OPCML: variants seen among roughly 807,000 people sequenced by gnomAD.
OPCML encodes the protein opioid-binding protein/cell adhesion molecule.
A neutral mutation model predicts 37.8 loss-of-function variants in OPCML; 13 were observed. That is an observed-to-expected ratio of 0.34 (90% CI 0.22 to 0.55). The LOEUF is 0.55. OPCML is among the 20% of genes least tolerant of loss of function. The pLI, the probability that OPCML is intolerant of heterozygous loss-of-function variation, is 0.91. For missense variants in OPCML, 341 were observed against 435.6 expected, an observed-to-expected ratio of 0.78 and a Z score of 1.93; for synonymous variants, 176 against 168.8, an observed-to-expected ratio of 1.04 and a Z score of -0.33.
chr11:132,676,597 A>C (rs1942711546), intron 2 of OPCML, among the ~76,000 whole-genome samples: 1 of 151,934 alleles, frequency 6.6e-6, no homozygotes, highest in Non-Finnish European at 1.5e-5. Flanking sequence ...AACAACAAAA[A>C]ATCCAGACAA....
chr11:133,497,369 T>C (rs1474616366), intron 1 of OPCML, among the ~76,000 whole-genome samples: 1 of 152,178 alleles, frequency 6.6e-6, no homozygotes, highest in Non-Finnish European at 1.5e-5. Context: ...TTTTTGATAG[T>C]TTTTTCTTTA....
At chr11:132,640,012 A>T (rs555540352) in intron 3 of OPCML, among the ~76,000 whole-genome samples, 2 of 152,284 alleles carry the variant, frequency 1.3e-5, no homozygotes, top group South Asian at 4.1e-4. Context: ...TCCCCTTCCT[A>T]ACGTTAGAGA....
chr11:132,821,053 A>G (rs549174746), intron 2 of OPCML, among the ~76,000 whole-genome samples: 110 of 152,348 alleles, frequency 7.2e-4, no homozygotes, highest in Non-Finnish European at 1.3e-3. Flanking sequence ...ACCACAAGGA[A>G]AGCCTTCTCT....
At chr11:133,108,125 T>G (rs977409936) in intron 1 of OPCML, among the ~76,000 whole-genome samples, 4 of 152,210 alleles carry the variant, frequency 2.6e-5, no homozygotes, top group African/African-American at 9.7e-5. Flanking sequence ...CAGAAGTAAA[T>G]TAGCAAAGAA....
At chr11:133,066,542 G>T (rs1275107229) in intron 1 of OPCML, 1 of 152,198 alleles carries the variant, frequency 6.6e-6, no homozygotes, top group Non-Finnish European at 1.5e-5. Context: ...ACGGTATCCA[G>T]CAACAACTAA....
intron 1 of OPCML, among the ~76,000 whole-genome samples, chr11:132,959,603 T>A (rs1180013508): frequency 6.6e-6 from 1 of 151,724 alleles, no homozygotes; most frequent in Non-Finnish European, 1.5e-5. Flanking sequence ...GAAAGTGGAA[T>A]GCAGAGAGGC....
Position 132,922,196 on chromosome 11 carries a change from A to G in OPCML, c.146+20730T>C, listed in dbSNP as rs1944830772. ...CCCGGCCAATTTTACCATTTTTTACATATCTTTAATGTTACATTTTATTAT... is the reference window on the plus strand; with the variant it reads ...CCCGGCCAATTTTACCATTTTTTACGTATCTTTAATGTTACATTTTATTAT... On this transcript the variant is annotated intron_variant, in intron 2 of 7. Transcript: ENST00000524381. Among the ~76,000 whole-genome samples the G allele has an allele frequency of 3.3e-5, 5 of 152,044 alleles. No homozygotes were observed. The South Asian group carries it at 1.0e-3, about 32-fold the overall frequency.
At chr11:133,108,510 C>A (rs1347624008) in intron 1 of OPCML, among the ~76,000 whole-genome samples, 1 of 152,120 alleles carries the variant, frequency 6.6e-6, no homozygotes, top group Non-Finnish European at 1.5e-5. Context: ...GTTAGAATGT[C>A]GTGCGCTAGA....
intron 2 of OPCML, among the ~76,000 whole-genome samples, chr11:132,726,666 T>G (rs1339095940): frequency 6.6e-6 from 1 of 152,082 alleles, no homozygotes; most frequent in Non-Finnish European, 1.5e-5. Context: ...AGTGTGTGTG[T>G]GGGCTGGCAG....
chr11:133,193,637 T>C (rs1032601955), intron 1 of OPCML, among the ~76,000 whole-genome samples: 4 of 152,174 alleles, frequency 2.6e-5, no homozygotes, highest in African/African-American at 7.2e-5. Flanking sequence ...AATGATGATG[T>C]TTACCCATTT....
At chr11:133,311,681 G>T (rs1391627847) in intron 1 of OPCML, among the ~76,000 whole-genome samples, 1 of 152,244 alleles carries the variant, frequency 6.6e-6, no homozygotes, top group East Asian at 1.9e-4. Context: ...CCACCCACAG[G>T]AGTGAATGTG....
chr11:133,455,690 C>T (rs1476194500), intron 1 of OPCML, among the ~76,000 whole-genome samples: 1 of 152,092 alleles, frequency 6.6e-6, no homozygotes, highest in Non-Finnish European at 1.5e-5. Flanking sequence ...GTAAAGTCAG[C>T]AAGGCGGCAG....
chr11:133,416,098 GT>G (rs1945758172), intron 1 of OPCML, among the ~76,000 whole-genome samples: 2 of 152,150 alleles, frequency 1.3e-5, no homozygotes, highest in African/African-American at 4.8e-5. Flanking sequence ...AGTGTCTGCT[GT>G]TTTAAGCCAT....
At chr11:132,779,584 A>T (rs1305617768) in intron 2 of OPCML, among the ~76,000 whole-genome samples, 2 of 151,836 alleles carry the variant, frequency 1.3e-5, no homozygotes, top group Non-Finnish European at 2.9e-5. Context: ...AGAGAGAGAG[A>T]TAGGTAAAAG....
chr11:133,005,225 G>A (rs779294626), intron 1 of OPCML: 554 of 985,272 alleles, frequency 5.6e-4, no homozygotes, highest in Non-Finnish European at 6.4e-4. Context: ...AATTCCTGGG[G>A]AGAGACGATT....
chr11:133,193,816 G>A (rs1397118967), intron 1 of OPCML, among the ~76,000 whole-genome samples: 1 of 152,032 alleles, frequency 6.6e-6, no homozygotes, highest in Non-Finnish European at 1.5e-5. Flanking sequence ...GTCCTTGAGG[G>A]GAGATAATGC....
At chr11:132,861,024 G>A (rs928386088) in intron 2 of OPCML, among the ~76,000 whole-genome samples, 1 of 152,140 alleles carries the variant, frequency 6.6e-6, no homozygotes, top group African/African-American at 2.4e-5. Context: ...GATTTGCCAG[G>A]GACTTTTGCA....
rs2095952622 is a variant in OPCML, at chr11:132,420,121, G to T, written c.*72C>A. 1.6e-6 allele frequency: 2 copies of T among 1,240,916 alleles called. No homozygotes were observed. Among genetic ancestry groups the T allele is most frequent in the Non-Finnish European group, 2.3e-6 (2 of 879,922 alleles). The allele number at this position is 1,240,916 out of a possible 1,614,324, so 76.9% of individuals were successfully genotyped here. A position where few individuals can be genotyped will look rare whatever the true frequency, so the allele number is the denominator to read the frequency against. Reference sequence around the variant, plus strand: ...AACAAAAAGAAGCCCAAGCTGGTTTGCTCTCCGCAGTGTAGATTAAAGTCT... The same window carrying T: ...AACAAAAAGAAGCCCAAGCTGGTTTTCTCTCCGCAGTGTAGATTAAAGTCT... On this transcript the variant is annotated 3_prime_UTR_variant, in exon 8 of 8. Coordinates refer to ENST00000524381, the MANE Select transcript of OPCML (RefSeq NM_001012393.5).
intron 2 of OPCML, among the ~76,000 whole-genome samples, chr11:132,838,674 A>T (rs995684381): frequency 3.3e-5 from 5 of 152,220 alleles, no homozygotes; most frequent in Admixed American, 2.0e-4. Context: ...GACTTTTAAA[A>T]TTTATTTTTT....
Sources: gnomAD v4.1 joint callset for allele counts (sites outside exome capture counted in the v4.1 genomes callset) on GRCh38, gnomAD v4.1.1 for gene constraint, MANE v1.5 for transcripts, NCBI Gene and HGNC (gene_info 2026-07-23, HGNC 2026-07-21) for gene names.